Variants in NLRC5 observed in about 807,000 individuals in gnomAD.
NLRC5 encodes protein NLRC5.
Under a neutral mutation model 206.9 loss-of-function variants are expected in NLRC5, and 114 were observed. The ratio of observed to expected loss-of-function variants is 0.55; its 90% CI spans 0.47 to 0.64. The LOEUF is 0.64. Among genes scored for constraint, NLRC5 ranks in the 30% least tolerant of loss-of-function variants. The pLI, the probability that NLRC5 is intolerant of heterozygous loss-of-function variation, is 0.00. For missense variants in NLRC5, 2,008 were observed against 2,305.5 expected (o/e 0.87, Z 2.64); for synonymous variants, 952 against 962.8 (o/e 0.99, Z 0.21).
At chr16:57,043,456 CA>C (rs2063536205) in intron 19 of NLRC5, 58 bp from the exon 20 acceptor site, 1 of 1,325,686 alleles carries the variant, frequency 7.5e-7, no homozygotes, top group African/African-American at 1.4e-5. Context: ...GCCCTGACCA[CA>C]AAGAGGATGT....
intron 34 of NLRC5, 136 bp downstream of exon 34, chr16:57,066,750 C>G: frequency 1.3e-6 from 1 of 748,078 alleles, no homozygotes; most frequent in Non-Finnish European, 2.3e-6. Flanking sequence ...AGAGGTCTGA[C>G]CAACCCACTT....
At chr16:57,055,291 G>A in intron 26 of NLRC5, 142 bp from the exon 27 acceptor site, 1 of 900,580 alleles carries the variant, frequency 1.1e-6, no homozygotes, top group Non-Finnish European at 1.8e-6. Flanking sequence ...GGGAGCAGTG[G>A]ATTCTGGACA....
intron 3 of NLRC5, among the ~76,000 whole-genome samples, chr16:57,021,314 TG>T (rs547415129): frequency 1.4e-3 from 196 of 140,366 alleles, no homozygotes; most frequent in Admixed American, 0.014. Flanking sequence ...TTGGCGGGGG[TG>T]GGGGGGTGTT....
chr16:57,077,868 C>A, intron 42 of NLRC5, 66 bp downstream of exon 42: 1 of 1,597,914 alleles, frequency 6.3e-7, no homozygotes, highest in Non-Finnish European at 8.6e-7. Context: ...TCCTCTCCCG[C>A]AGTGGGCACA....
intron 1 of NLRC5, among the ~76,000 whole-genome samples, chr16:57,014,938 T>TG (rs2059889745): frequency 6.7e-6 from 1 of 149,588 alleles, no homozygotes; most frequent in African/African-American, 2.5e-5. Flanking sequence ...TTTTTTTTTT[T>TG]GTTTGTTTGA....
chr16:57,029,963 C>T, intron 9 of NLRC5, 32 bp from the exon 10 acceptor site: 3 of 1,612,720 alleles, frequency 1.9e-6, no homozygotes, highest in Non-Finnish European at 2.5e-6. Context: ...GTAGGGGATT[C>T]CACTCCTGAC....
Position 57,070,554 on chromosome 16 carries a change from G to A in NLRC5, c.4603G>A (p.Asp1535Asn), listed in dbSNP as rs150044384. The change falls in exon 38 of 49, where the codon GAT becomes AAT. Residue 1535 changes from aspartate to asparagine, a missense_variant. By Grantham distance (23) the Asp-to-Asn change is conservative (BLOSUM62 1). Transcript: ENST00000688547. Reference sequence around the variant, plus strand: ...CTGCAGCTTGTCTAACAATCAATTTGATGAGGAGGGCACCAAGGCGCTGAT... The same window carrying A: ...CTGCAGCTTGTCTAACAATCAATTTAATGAGGAGGGCACCAAGGCGCTGAT... ...EELDLSNNQF[D>N]EEGTKALMRA... The A allele has an allele frequency of 5.6e-6, 9 of 1,613,864 alleles. No individual in the cohort carries two copies. The highest frequency in any genetic ancestry group is 7.6e-6 in the Non-Finnish European group (9 of 1,179,776).
intron 2 of NLRC5, among the ~76,000 whole-genome samples, chr16:57,018,491 T>G (rs2060317219): frequency 6.6e-6 from 1 of 152,144 alleles, no homozygotes; most frequent in African/African-American, 2.4e-5. Context: ...ATTCTAAGAC[T>G]CTCTGCCTGA....
intron 1 of NLRC5, among the ~76,000 whole-genome samples, chr16:56,998,197 T>G (rs1044244895): frequency 6.0e-5 from 9 of 148,986 alleles, no homozygotes; most frequent in African/African-American, 2.2e-4. Flanking sequence ...CTGATGTCTT[T>G]TTTTTTTTTT....
At chr16:57,068,017 C>T (rs1366934473) in intron 36 of NLRC5, among the ~76,000 whole-genome samples, 189 bp downstream of exon 36, 1 of 152,182 alleles carries the variant, frequency 6.6e-6, no homozygotes, top group Admixed American at 6.5e-5. Context: ...GAACATTGAG[C>T]CACATGGCAA....
At chr16:57,076,979 C>A in intron 40 of NLRC5, 77 bp downstream of exon 40, 1 of 1,267,960 alleles carries the variant, frequency 7.9e-7, no homozygotes, top group Non-Finnish European at 1.1e-6. Flanking sequence ...GCTACCTGAG[C>A]ACGCCCTTTG....
chr16:57,018,696 G>A (rs1597179013), intron 2 of NLRC5, among the ~76,000 whole-genome samples: 1 of 152,206 alleles, frequency 6.6e-6, no homozygotes, highest in East Asian at 1.9e-4. Flanking sequence ...AGAGTTAGAG[G>A]TGGACTCTCT....
intron 36 of NLRC5, 114 bp downstream of exon 36, chr16:57,067,942 G>T: frequency 1.2e-6 from 1 of 817,480 alleles, no homozygotes; most frequent in Admixed American, 2.0e-5. Flanking sequence ...TTACTCTGTG[G>T]ACACAAACCA....
intron 32 of NLRC5, chr16:57,062,013 G>A (rs2066573493): frequency 7.0e-7 from 1 of 1,430,516 alleles, no homozygotes; most frequent in Non-Finnish European, 9.2e-7. Context: ...TTGTCTGTCT[G>A]TTCACTATGA....
At chr16:57,020,495 C>A (rs1482709245) in intron 2 of NLRC5, among the ~76,000 whole-genome samples, 1 of 104,750 alleles carries the variant, frequency 9.5e-6, no homozygotes, top group East Asian at 4.0e-4. Context: ...TCACCTCCCC[C>A]TCAGCTCTCC....
chr16:57,004,800 G>A (rs1420722413), intron 1 of NLRC5, among the ~76,000 whole-genome samples: 1 of 152,216 alleles, frequency 6.6e-6, no homozygotes, highest in Non-Finnish European at 1.5e-5. Context: ...TTCCCAAAGA[G>A]CACAGCAGCG....
At chr16:56,998,195 T>C (rs2057848180) in intron 1 of NLRC5, among the ~76,000 whole-genome samples, 1 of 104,058 alleles carries the variant, frequency 9.6e-6, no homozygotes, top group Middle Eastern at 4.8e-3. Flanking sequence ...CACTGATGTC[T>C]TTTTTTTTTT....
intron 11 of NLRC5, among the ~76,000 whole-genome samples, chr16:57,031,758 GA>G (rs2061909286): frequency 6.8e-6 from 1 of 147,638 alleles, no homozygotes; most frequent in Admixed American, 6.9e-5. Flanking sequence ...ACTAGATGGT[GA>G]AAACTCTGGA....
intron 32 of NLRC5, 62 bp downstream of exon 32, chr16:57,061,763 C>G (rs2066522708): frequency 6.4e-7 from 1 of 1,574,042 alleles, no homozygotes; most frequent in Non-Finnish European, 8.6e-7. Context: ...GGGGTGGGCA[C>G]TGGAGTAAGA....
Sources: allele counts gnomAD v4.1 joint callset (sites outside exome capture counted in the v4.1 genomes callset), GRCh38; gene constraint gnomAD v4.1.1; transcripts MANE v1.5; gene names NCBI Gene and HGNC (gene_info 2026-07-23, HGNC 2026-07-21).